Variants in RNF157 observed in about 807,000 individuals in gnomAD.
RNF157 encodes the protein ring finger protein 157.
Under a neutral mutation model 88.3 loss-of-function variants are expected in RNF157, and 55 were observed. That is an observed-to-expected ratio of 0.62 (90% confidence interval 0.50 to 0.78). The LOEUF (loss-of-function observed/expected upper bound fraction) is 0.78. Among genes scored for constraint, RNF157 ranks in the 30% least tolerant of loss-of-function variants. The probability of loss-of-function intolerance (pLI) is 0.00; values close to 1 mark genes in which losing one functional copy is unlikely to be tolerated. For synonymous variants in RNF157, 334 were observed against 341.2 expected (o/e 0.98, Z 0.23); for missense variants, 788 against 860.8 (o/e 0.92, Z 1.06).
chr17:76,186,898 C>T (rs1403749449), intron 2 of RNF157, among the ~76,000 whole-genome samples: 1 of 151,540 alleles, frequency 6.6e-6, no homozygotes, highest in Non-Finnish European at 1.5e-5. Context: ...TGAGATCGCA[C>T]CACTGTACTC....
intron 2 of RNF157, among the ~76,000 whole-genome samples, chr17:76,194,064 GGTTT>G (rs373409131): frequency 5.9e-5 from 9 of 151,726 alleles, no homozygotes; most frequent in Non-Finnish European, 8.8e-5. Flanking sequence ...TTTTTTTGTT[GGTTT>G]GTTTATCAAG....
chr17:76,156,574 A>G, intron 13 of RNF157: 3 of 969,302 alleles, frequency 3.1e-6, no homozygotes, highest in Non-Finnish European at 3.7e-6. Context: ...TGCTGCGGCC[A>G]TACAAAGACT....
At chr17:76,226,389 G>C (rs533706262) in intron 1 of RNF157, 9 of 1,593,680 alleles carry the variant, frequency 5.6e-6, no homozygotes, top group Non-Finnish European at 7.7e-6. Context: ...TGGCCAATTG[G>C]GTTCACCATC....
At chr17:76,181,963 T>C (rs2069196332) in intron 2 of RNF157, among the ~76,000 whole-genome samples, 1 of 150,554 alleles carries the variant, frequency 6.6e-6, no homozygotes, top group Non-Finnish European at 1.5e-5. Flanking sequence ...AACAAAGACA[T>C]TTACCCATTC....
Position 76,240,258 on chromosome 17 carries a change from C to CCCCGG in RNF157, c.-23_-19dup. ...GCCCCCATGGCCGCTGCGGCTGCAG[C>CCCCGG]CCCGGCCCGGCCCCGGTGCCCGCGC... On this transcript the variant is annotated 5_prime_UTR_variant, in exon 1 of 19. Transcript: ENST00000269391. The surrounding 1 kb of genome is among the most constrained non-coding windows in gnomAD (Gnocchi z 4.4). 2.5e-6 allele frequency: 3 copies of CCCCGG among 1,178,460 alleles called. No homozygotes were observed. The allele number at this position is 1,178,460 out of a possible 1,614,324, so 73.0% of individuals were successfully genotyped here.
chr17:76,143,070 T>A lies in RNF157; in HGVS notation c.*2165A>T, dbSNP rs899595789. ...GAGGACCAGCTCCTTGGATGGAGTA[T>A]TTCTGTGGGCCAGAGAGCTAAATGA... On this transcript the variant is annotated 3_prime_UTR_variant, in exon 19 of 19. Transcript: ENST00000269391. 1.3e-5 allele frequency: 2 copies of A among 152,262 alleles called. No individual in the cohort carries two copies. The highest frequency in any genetic ancestry group is 4.8e-5 in the African/African-American group (2 of 41,434). 9.4% of individuals were successfully genotyped at this position (152,262 alleles called of 1,614,324 possible).
intron 2 of RNF157, among the ~76,000 whole-genome samples, chr17:76,193,492 C>T (rs566620921): frequency 1.3e-5 from 2 of 152,228 alleles, no homozygotes; most frequent in African/African-American, 4.8e-5. Context: ...TATTGTAGAT[C>T]TGCCCTATAT....
At chr17:76,168,520 C>A (rs895950210) in intron 3 of RNF157, among the ~76,000 whole-genome samples, 1 of 151,712 alleles carries the variant, frequency 6.6e-6, no homozygotes, top group Non-Finnish European at 1.5e-5. Flanking sequence ...TCTCTCAAGA[C>A]GTTCAGATGC....
intron 2 of RNF157, among the ~76,000 whole-genome samples, chr17:76,188,256 T>C (rs558693216): frequency 3.9e-4 from 60 of 152,290 alleles, no homozygotes; most frequent in African/African-American, 1.4e-3. Flanking sequence ...TCCCACGGCC[T>C]CCTACCTGGG....
At chr17:76,151,051 T>TG (rs1481080134) in intron 18 of RNF157, among the ~76,000 whole-genome samples, 1 of 151,880 alleles carries the variant, frequency 6.6e-6, no homozygotes, top group Non-Finnish European at 1.5e-5. Context: ...AGGCAGGGAG[T>TG]GAAGCAGCCC....
chr17:76,182,766 T>TATATATATATATATATATATATGAGAG (rs2069212724), intron 2 of RNF157, among the ~76,000 whole-genome samples: 1 of 136,382 alleles, frequency 7.3e-6, no homozygotes. Flanking sequence ...GTCTCATATA[T>TATATATATATATATATATATATGAGAG]ATATATATAT....
chr17:76,171,762 T>G (rs867395471), intron 3 of RNF157, among the ~76,000 whole-genome samples: 2 of 152,198 alleles, frequency 1.3e-5, no homozygotes, highest in Non-Finnish European at 1.5e-5. Flanking sequence ...GCTCAGACAC[T>G]CATTCAAGCA....
chr17:76,155,761 A>G lies in RNF157; in HGVS notation c.1526-27T>C, dbSNP rs745994048. On this transcript the variant is annotated intron_variant, in intron 14 of 18. Coordinates refer to ENST00000269391, the MANE Select transcript of RNF157 (RefSeq NM_052916.3). ...TTTGGAGACAGGGGATGGGGAAAGG[A>G]GCCTGGAGGTCAGGCAGGGCTTCTG... is the stretch of plus-strand genomic sequence containing the variant. 9 of 1,505,104 alleles carry G rather than the reference A, an allele frequency of 6.0e-6. No homozygotes were observed. In the South Asian group the frequency reaches 1.0e-4, roughly 17 times the overall value. The allele number at this position is 1,505,104 out of a possible 1,614,324, so 93.2% of individuals were successfully genotyped here. A position where few individuals can be genotyped will look rare whatever the true frequency, so the allele number is the denominator to read the frequency against.
At chr17:76,183,447 A>G (rs1169333629) in intron 2 of RNF157, among the ~76,000 whole-genome samples, 1 of 152,022 alleles carries the variant, frequency 6.6e-6, no homozygotes, top group African/African-American at 2.4e-5. Context: ...AAATTCACAT[A>G]AAGTTTTTTT....
At chr17:76,164,210 A>G (rs758790988) in intron 8 of RNF157, 2 of 152,196 alleles carry the variant, frequency 1.3e-5, no homozygotes, top group Admixed American at 1.3e-4. Flanking sequence ...GTGCTGGCAC[A>G]TGGTAGGGGC....
intron 18 of RNF157, among the ~76,000 whole-genome samples, chr17:76,150,651 C>T (rs1221688996): frequency 1.3e-5 from 2 of 152,002 alleles, no homozygotes; most frequent in African/African-American, 2.4e-5. Flanking sequence ...CAACTACTGA[C>T]AGAGGATGCC....
chr17:76,155,077 G>C (rs1413262357), intron 16 of RNF157, among the ~76,000 whole-genome samples, 175 bp downstream of exon 16: 1 of 152,166 alleles, frequency 6.6e-6, no homozygotes, highest in East Asian at 1.9e-4. Flanking sequence ...CCACAGGCCC[G>C]GGAGCAGCTG....
chr17:76,166,875 G>A (rs918945746), intron 5 of RNF157, 134 bp downstream of exon 5: 6 of 666,618 alleles, frequency 9.0e-6, no homozygotes, highest in Admixed American at 7.6e-5. Context: ...AAAAGGACAT[G>A]ATGAAGTCAC....
At chr17:76,167,369 A>T (rs1014669588) in intron 4 of RNF157, among the ~76,000 whole-genome samples, 1 of 152,238 alleles carries the variant, frequency 6.6e-6, no homozygotes, top group Non-Finnish European at 1.5e-5. Flanking sequence ...GAAGGACTAT[A>T]CCACCATTTG....
Sources: gnomAD v4.1 joint callset for allele counts (sites outside exome capture counted in the v4.1 genomes callset) on GRCh38, gnomAD v4.1.1 for gene constraint, Gnocchi (gnomAD v3.1) non-coding constraint, MANE v1.5 for transcripts, NCBI Gene and HGNC (gene_info 2026-07-23, HGNC 2026-07-21) for gene names.